The following KL variants were observed in gnomAD, a reference collection of about 807,000 sequenced individuals.
KL encodes klotho.
In KL, 62 loss-of-function variants were observed where a neutral mutation model predicts 84.2. The observed-to-expected ratio is 0.74, with a 90% CI of 0.60 to 0.91. The LOEUF is 0.91. Among genes scored for constraint, KL ranks in the 40% least tolerant of loss-of-function variants. The pLI is 0.00. For missense variants in KL, 1,261 were observed against 1,305.7 expected (o/e 0.97, Z 0.53); for synonymous variants, 528 against 528.0 (o/e 1.00, Z 0.00).
At chr13:33,029,770 A>G (rs1043941893) in intron 1 of KL, among the ~76,000 whole-genome samples, 3 of 152,100 alleles carry the variant, frequency 2.0e-5, no homozygotes, top group African/African-American at 7.2e-5. Context: ...AGTAGCTGGG[A>G]CTACAGGCAC....
At chr13:33,020,415 G>A (rs1593787586) in intron 1 of KL, among the ~76,000 whole-genome samples, 1 of 152,156 alleles carries the variant, frequency 6.6e-6, no homozygotes, top group Non-Finnish European at 1.5e-5. Flanking sequence ...TTCACTCCAG[G>A]CCATTGCTTT....
chr13:33,023,806 T>C (rs1198710572), intron 1 of KL, among the ~76,000 whole-genome samples: 2 of 152,244 alleles, frequency 1.3e-5, no homozygotes, highest in Admixed American at 1.3e-4. Context: ...TAATTTTAAA[T>C]ATAATGGTTA....
rs1297528820 is a variant in KL at position 33,060,597 on chromosome 13, G to C, written c.1600-82G>C. On this transcript the variant is annotated intron_variant, in intron 3 of 4. Transcript: ENST00000380099. The stretch of plus-strand genomic sequence containing the variant: ...GCTTCTATTTTTGCTCATATTCCTG[G>C]CTAGTTTTGCTGAAATAATTGCTTT... The C allele has an allele frequency of 8.0e-6, 12 of 1,503,156 alleles. No individual in the cohort carries two copies. The Admixed American group carries it at 2.0e-4, about 25-fold the overall frequency. The allele number at this position is 1,503,156 out of a possible 1,614,324, so 93.1% of individuals were successfully genotyped here.
At chr13:33,063,638 G>A (rs1008040683) in intron 4 of KL, among the ~76,000 whole-genome samples, 2 of 151,986 alleles carry the variant, frequency 1.3e-5, no homozygotes, top group African/African-American at 2.4e-5. Flanking sequence ...TTTGCCAGGT[G>A]TGGTGGTGCT....
chr13:33,050,531 C>T (rs1871704523), intron 1 of KL, among the ~76,000 whole-genome samples: 1 of 152,126 alleles, frequency 6.6e-6, no homozygotes, highest in African/African-American at 2.4e-5. Flanking sequence ...ACAGGGAGCT[C>T]ATTCTGGGGA....
intron 3 of KL, 104 bp downstream of exon 3, chr13:33,055,419 G>A (rs1198854898): frequency 6.7e-7 from 1 of 1,493,968 alleles, no homozygotes; most frequent in Non-Finnish European, 9.3e-7. Flanking sequence ...TCCGTTCTTT[G>A]AGCCAAAAAC....
chr13:33,027,863 C>G (rs1181758534), intron 1 of KL, among the ~76,000 whole-genome samples: 3 of 152,094 alleles, frequency 2.0e-5, no homozygotes, highest in Admixed American at 6.5e-5. Context: ...AAGTAAATGT[C>G]AAGATAGGAT....
chr13:33,061,225 G>T lies in KL; in HGVS notation c.2146G>T (p.Glu716Ter). 6.2e-7 allele frequency: 1 copy of T among 1,614,238 alleles called. No individual in the cohort carries two copies. Residue 716 changes from glutamate to a stop codon, truncating the protein, a stop_gained, in exon 4 of 5, where the codon GAA becomes TAA. Transcript: ENST00000380099. LOFTEE classifies it high-confidence loss of function. ...AHALAWHVYN[E>*]KFRHAQNGKI... ...TGCCCTGGCTTGGCATGTGTACAAT[G>T]AAAAGTTTAGGCATGCTCAGAATGG...
chr13:33,031,945 T>C (rs1257520198), intron 1 of KL, among the ~76,000 whole-genome samples: 1 of 152,076 alleles, frequency 6.6e-6, no homozygotes. Context: ...TTGGGGCAGG[T>C]AAATTCATTG....
intron 1 of KL, among the ~76,000 whole-genome samples, chr13:33,043,745 A>G (rs979670878): frequency 6.6e-6 from 1 of 152,176 alleles, no homozygotes; most frequent in Admixed American, 6.5e-5. Flanking sequence ...TTTATTTCGG[A>G]TATAATTATT....
intron 3 of KL, among the ~76,000 whole-genome samples, chr13:33,059,319 A>G (rs1490790299): frequency 6.6e-6 from 1 of 152,020 alleles, no homozygotes; most frequent in African/African-American, 2.4e-5. Flanking sequence ...ATTTGGGAGG[A>G]TTTTATAGCA....
intron 1 of KL, among the ~76,000 whole-genome samples, chr13:33,033,720 C>G (rs990266127): frequency 2.0e-5 from 3 of 151,762 alleles, no homozygotes; most frequent in Non-Finnish European, 4.4e-5. Context: ...TTCTCTACTT[C>G]CAGCAACCCA....
Position 33,055,296 on chromosome 13 carries a change from T to A in KL, c.1580T>A (p.Val527Asp). The change falls in exon 3 of 5, where the codon GTT becomes GAT. Residue 527 changes from valine (V) to aspartate (D), a missense_variant. Val to Asp is a radical substitution (Grantham distance 152, BLOSUM62 -3). Transcript: ENST00000380099. ...GTFPCDFAWG[V>D]VDNYIQVDTT... ...TTTCCCTGTGACTTTGCTTGGGGAGTTGTTGACAACTACATTCAAGTAAGT... is the reference window on the plus strand; with the variant it reads ...TTTCCCTGTGACTTTGCTTGGGGAGATGTTGACAACTACATTCAAGTAAGT... The A allele has an allele frequency of 6.2e-7, 1 of 1,613,996 alleles. No individual in the cohort carries two copies.
In KL at chr13:33,016,484, C is replaced by CGTCGCT. The variant is rs767552117; in HGVS notation, c.52_57dup (p.Ser18_Leu19dup). The CGTCGCT allele has an allele frequency of 1.3e-4, 146 of 1,162,530 alleles. 1 individual carries two copies. The highest frequency in any genetic ancestry group is 4.4e-5 in the Non-Finnish European group (42 of 944,542). The allele number at this position is 1,162,530 out of a possible 1,614,324, so 72.0% of individuals were successfully genotyped here. A position where few individuals can be genotyped will look rare whatever the true frequency, so the allele number is the denominator to read the frequency against. On this transcript the variant is annotated inframe_insertion, in exon 1 of 5. Coordinates refer to ENST00000380099, the MANE Select transcript of KL (RefSeq NM_004795.4). ...CCGCGCCGCCCGCGGCCGCCGCCGC[C>CGTCGCT]GTCGCTGTCGCTGCTGCTGGTGCTG...
Position 33,017,079 on chromosome 13 carries a change from C to A in KL, c.639C>A (p.Ala213=), listed in dbSNP as rs387907445. 1.9e-4 allele frequency: 306 copies of A among 1,604,432 alleles called. 1 individual carries two copies. Among genetic ancestry groups the A allele is most frequent in the South Asian group, 1.1e-5 (1 of 90,866 alleles). ...AYGGWANRAL[A]DHFRDYAELC... is the part of the protein sequence containing the mutation. ...GCGGCTGGGCCAACCGCGCCCTGGC[C>A]GACCACTTCAGGGATTACGCGGAGC... The change falls in exon 1 of 5, where the codon GCC becomes GCA. Residue 213 remains alanine (A), a synonymous_variant. Transcript: ENST00000380099.
At chr13:33,038,688 C>T (rs1004473913) in intron 1 of KL, among the ~76,000 whole-genome samples, 5 of 152,120 alleles carry the variant, frequency 3.3e-5, no homozygotes, top group Non-Finnish European at 1.5e-5. Context: ...TTTCAGAAAT[C>T]AGAATGACTG....
chr13:33,022,025 T>G (rs1870593581), intron 1 of KL, among the ~76,000 whole-genome samples: 1 of 152,232 alleles, frequency 6.6e-6, no homozygotes, highest in Non-Finnish European at 1.5e-5. Flanking sequence ...CACTCCTTTT[T>G]GAACACATTG....
chr13:33,041,289 G>C (rs1451284309), intron 1 of KL, among the ~76,000 whole-genome samples: 3 of 151,916 alleles, frequency 2.0e-5, no homozygotes, highest in Non-Finnish European at 4.4e-5. Flanking sequence ...AGACCACACT[G>C]TTCATACATT....
At chr13:33,058,532 G>A (rs1195303132) in intron 3 of KL, among the ~76,000 whole-genome samples, 4 of 151,922 alleles carry the variant, frequency 2.6e-5, no homozygotes, top group Non-Finnish European at 1.5e-5. Flanking sequence ...AGTAGAGACC[G>A]GGTTTCACTG....
Sources: gnomAD v4.1 joint callset for allele counts (sites outside exome capture counted in the v4.1 genomes callset) on GRCh38, gnomAD v4.1.1 for gene constraint, MANE v1.5 for transcripts, NCBI Gene and HGNC (gene_info 2026-07-23, HGNC 2026-07-21) for gene names.